The following GJC1 variants were observed in gnomAD, a reference collection of about 807,000 sequenced individuals.
The protein encoded by GJC1 is gap junction protein gamma 1, also known as gap junction gamma-1 protein.
A neutral mutation model predicts 29.3 loss-of-function variants in GJC1; 5 were observed. That is an observed-to-expected ratio of 0.17 (90% CI 0.09 to 0.36). The LOEUF is 0.36. Among genes scored for constraint, GJC1 ranks in the 10% least tolerant of loss-of-function variants. The pLI, the probability that GJC1 is intolerant of heterozygous loss-of-function variation, is 1.00. For synonymous variants in GJC1, 177 were observed against 183.3 expected (o/e 0.97, Z 0.28); for missense variants, 310 against 496.2 (o/e 0.62, Z 3.56).
At chr17:44,809,003 G>C (rs572487304) in intron 1 of GJC1, among the ~76,000 whole-genome samples, 4 of 152,110 alleles carry the variant, frequency 2.6e-5, no homozygotes, top group Non-Finnish European at 4.4e-5. Flanking sequence ...GAACCTGGGA[G>C]GGGGAGGTGG....
intron 1 of GJC1, among the ~76,000 whole-genome samples, chr17:44,817,077 T>C (rs986029742): frequency 2.0e-5 from 3 of 151,246 alleles, no homozygotes; most frequent in Non-Finnish European, 4.4e-5. Flanking sequence ...GGCGTGGTGG[T>C]GCATGCCTGT....
chr17:44,794,718 C>A (rs79486806), downstream of GJC1: 1 of 152,222 alleles, frequency 6.6e-6, no homozygotes, highest in Non-Finnish European at 1.5e-5. Flanking sequence ...GCACTGAAAT[C>A]GCTTATGAAC....
At chr17:44,812,257 AGAGGC>A (rs888164786) in intron 1 of GJC1, among the ~76,000 whole-genome samples, 2 of 152,196 alleles carry the variant, frequency 1.3e-5, no homozygotes, top group Admixed American at 6.5e-5. Flanking sequence ...CCAGGGAGGC[AGAGGC>A]TGCAGTGAGT....
chr17:44,823,248 G>GTTTTTT (rs10710605), intron 1 of GJC1, among the ~76,000 whole-genome samples: 19 of 117,786 alleles, frequency 1.6e-4, no homozygotes, highest in African/African-American at 6.0e-4. Context: ...TTTCTTTCCT[G>GTTTTTT]TTTTTTTTTT....
chr17:44,800,561 CTG>C lies in GJC1; in HGVS notation c.*4064_*4065del, dbSNP rs1338664175. 6.6e-6 allele frequency: 1 copy of C among 152,214 alleles called. No individual in the cohort carries two copies. The highest frequency in any genetic ancestry group is 1.5e-5 in the Non-Finnish European group (1 of 68,048). The allele number at this position is 152,214 out of a possible 1,614,324, so 9.4% of individuals were successfully genotyped here. On this transcript the variant is annotated 3_prime_UTR_variant, in exon 3 of 3. Transcript: ENST00000592524. ...TATCGATTTTATTTTCAGAAGTGGA[CTG>C]TCTCTTAAATGAGACAGCATAAAGT... is the stretch of plus-strand genomic sequence containing the variant.
chr17:44,813,035 A>G (rs913679721), intron 1 of GJC1: 2 of 152,028 alleles, frequency 1.3e-5, no homozygotes, highest in African/African-American at 4.8e-5. Context: ...AAAATGGGTG[A>G]CGAGCAACTA....
In GJC1 at chr17:44,805,505, C is replaced by T. The variant is rs200368191; in HGVS notation, c.313G>A (p.Gly105Ser). 13 of 1,614,052 alleles carry T rather than the reference C, an allele frequency of 8.1e-6. No homozygotes were observed. Among genetic ancestry groups the T allele is most frequent in the Middle Eastern group, 1.6e-4 (1 of 6,084 alleles). The change falls in exon 3 of 3, where the codon GGT (glycine) becomes AGT (serine). Residue 105 changes from glycine to serine, a missense_variant. Physicochemically the swap from Gly to Ser is moderately conservative, Grantham distance 56. Coordinates refer to ENST00000592524, the MANE Select transcript of GJC1 (RefSeq NM_005497.4). The surrounding 1 kb of genome is among the most constrained non-coding windows in gnomAD (Gnocchi z 5.1). ...CGAGCTGCCTTCTTGTCTGCTTCACCGTGCTCCATTTTGGCAATCTTGTGG... is the reference window on the plus strand; with the variant it reads ...CGAGCTGCCTTCTTGTCTGCTTCACTGTGCTCCATTTTGGCAATCTTGTGG... The part of the protein sequence containing the change: ...AIHKIAKMEH[G>S]EADKKAARSK...
At chr17:44,820,251 G>A (rs765312220) in intron 1 of GJC1, among the ~76,000 whole-genome samples, 7 of 152,036 alleles carry the variant, frequency 4.6e-5, no homozygotes, top group Non-Finnish European at 5.9e-5. Flanking sequence ...CGTGAGCCAC[G>A]GCTCCTGGGC....
intron 2 of GJC1, among the ~76,000 whole-genome samples, chr17:44,806,050 G>A (rs1791443169): frequency 6.6e-6 from 1 of 152,140 alleles, no homozygotes; most frequent in African/African-American, 2.4e-5. Flanking sequence ...AAGGCGGGCA[G>A]ATTAGTTGAG....
In GJC1 at chr17:44,802,064, A is replaced by G. The variant is rs563284014; in HGVS notation, c.*2563T>C. 5 of 152,342 alleles carry G rather than the reference A, an allele frequency of 3.3e-5. No homozygotes were observed. The highest frequency in any genetic ancestry group is 1.2e-4 in the African/African-American group (5 of 41,564). The allele number at this position is 152,342 out of a possible 1,614,324, so 9.4% of individuals were successfully genotyped here. A position where few individuals can be genotyped will look rare whatever the true frequency, so the allele number is the denominator to read the frequency against. On this transcript the variant is annotated 3_prime_UTR_variant, in exon 3 of 3. Coordinates refer to ENST00000592524, the MANE Select transcript of GJC1 (RefSeq NM_005497.4). ...AGCAAGAGAATAAAAATAGATTTTA[A>G]AAGTGTGTGCATGTGGGGAGGTGAC... is the stretch of plus-strand genomic sequence containing the variant.
At chr17:44,809,973 C>CT (rs1359787416) in intron 1 of GJC1, among the ~76,000 whole-genome samples, 2 of 152,118 alleles carry the variant, frequency 1.3e-5, no homozygotes, top group Non-Finnish European at 2.9e-5. Context: ...ATTCTCCTGC[C>CT]TCAGCCTCCC....
chr17:44,811,768 CT>C (rs2049985515), intron 1 of GJC1, among the ~76,000 whole-genome samples: 1 of 152,054 alleles, frequency 6.6e-6, no homozygotes, highest in South Asian at 2.1e-4. Flanking sequence ...CTTTGGGAGG[CT>C]GAGACAAGTG....
At chr17:44,824,008 G>A (rs758123970) in intron 1 of GJC1, among the ~76,000 whole-genome samples, 5 of 149,674 alleles carry the variant, frequency 3.3e-5, no homozygotes, top group Admixed American at 6.7e-5. Context: ...CACTGTGCCT[G>A]GCCCTCTTTT....
chr17:44,829,959 TCTC>T (rs1186724068), intron 1 of GJC1, 100 bp downstream of exon 1: 2 of 151,782 alleles, frequency 1.3e-5, no homozygotes, highest in South Asian at 2.1e-4. Flanking sequence ...CTCCGGAGGT[TCTC>T]CTCGGCCCCT....
At chr17:44,818,233 C>A (rs1215739011) in intron 1 of GJC1, among the ~76,000 whole-genome samples, 7 of 151,678 alleles carry the variant, frequency 4.6e-5, no homozygotes, top group African/African-American at 1.7e-4. Flanking sequence ...AACAAACAAA[C>A]AAAAAAATGC....
downstream of GJC1, among the ~76,000 whole-genome samples, chr17:44,796,998 T>C (rs1175040020): frequency 6.6e-6 from 1 of 152,104 alleles, no homozygotes; most frequent in African/African-American, 2.4e-5. Flanking sequence ...AGGTGAGTAC[T>C]ACCATGCCTA....
downstream of GJC1, among the ~76,000 whole-genome samples, chr17:44,798,089 T>C (rs144779395): frequency 2.0e-5 from 3 of 152,322 alleles, no homozygotes; most frequent in Non-Finnish European, 2.9e-5. Context: ...TTCCCAGCTT[T>C]TGAGCTTAGA....
Position 44,798,560 on chromosome 17 carries a change from T to A in GJC1, c.*6067A>T, listed in dbSNP as rs533254482. The stretch of plus-strand genomic sequence containing the variant: ...ATTACATAAGCTGTACAGAACAAAA[T>A]TAGCAATGAGTGATCTTTGGCACTA... On this transcript the variant is annotated 3_prime_UTR_variant, in exon 3 of 3. Transcript: ENST00000592524. The A allele has an allele frequency of 5.9e-5, 9 of 152,324 alleles. No homozygotes were observed. The East Asian group carries it at 1.7e-3, about 29-fold the overall frequency. 9.4% of individuals were successfully genotyped at this position (152,324 alleles called of 1,614,324 possible). A position where few individuals can be genotyped will look rare whatever the true frequency, so the allele number is the denominator to read the frequency against.
intron 1 of GJC1, among the ~76,000 whole-genome samples, chr17:44,821,323 G>A (rs1157662529): frequency 6.6e-6 from 1 of 152,126 alleles, no homozygotes; most frequent in Admixed American, 6.6e-5. Context: ...CTAGAAAAAC[G>A]AACATGTCTA....
Sources: gnomAD v4.1 joint callset for allele counts (sites outside exome capture counted in the v4.1 genomes callset) on GRCh38, gnomAD v4.1.1 for gene constraint, Gnocchi (gnomAD v3.1) non-coding constraint, MANE v1.5 for transcripts, NCBI Gene and HGNC (gene_info 2026-07-23, HGNC 2026-07-21) for gene names.